Variants in GATAD2B observed in about 807,000 individuals in gnomAD.
The protein encoded by GATAD2B is transcriptional repressor p66-beta.
Under a neutral mutation model 64.3 loss-of-function variants are expected in GATAD2B, and 8 were observed. The observed-to-expected ratio is 0.12, with a 90% CI of 0.07 to 0.22. The LOEUF is 0.22. GATAD2B is among the 10% of genes least tolerant of loss of function. The pLI is 1.00. For synonymous variants in GATAD2B, 281 were observed against 271.3 expected (o/e 1.04, Z -0.35); for missense variants, 453 against 752.0 (o/e 0.60, Z 4.65).
intron 1 of GATAD2B, among the ~76,000 whole-genome samples, chr1:153,900,965 G>A (rs889800272): frequency 2.0e-5 from 3 of 152,044 alleles, no homozygotes; most frequent in African/African-American, 7.2e-5. Context: ...TGTAATCCCA[G>A]AACTTTGGGA....
At chr1:153,825,576 A>G (rs1674845226) in intron 2 of GATAD2B, among the ~76,000 whole-genome samples, 1 of 152,086 alleles carries the variant, frequency 6.6e-6, no homozygotes, top group Admixed American at 6.6e-5. Context: ...GGTGTGTGCC[A>G]CCACACCTGG....
chr1:153,868,208 AAAAT>A (rs1322730097), intron 1 of GATAD2B, among the ~76,000 whole-genome samples: 3 of 152,188 alleles, frequency 2.0e-5, no homozygotes, highest in East Asian at 1.9e-4. Context: ...ATCTCAAAAA[AAAAT>A]AAATAAATAA....
At chr1:153,874,378 CT>C (rs1676762075) in intron 1 of GATAD2B, among the ~76,000 whole-genome samples, 1 of 152,176 alleles carries the variant, frequency 6.6e-6, no homozygotes, top group South Asian at 2.1e-4. Context: ...TGAAGTGCCC[CT>C]AAGAGATTAA....
intron 1 of GATAD2B, among the ~76,000 whole-genome samples, chr1:153,904,033 C>A (rs762725800): frequency 2.6e-5 from 4 of 152,118 alleles, no homozygotes; most frequent in Non-Finnish European, 4.4e-5. Context: ...GTAATCCCAG[C>A]ACTTCGGGAA....
At chr1:153,910,458 G>C (rs945101639) in intron 1 of GATAD2B, among the ~76,000 whole-genome samples, 2 of 152,076 alleles carry the variant, frequency 1.3e-5, no homozygotes, top group African/African-American at 4.8e-5. Context: ...ATAGGCTTTG[G>C]GCTGGGCGCA....
intron 7 of GATAD2B, among the ~76,000 whole-genome samples, chr1:153,814,345 T>TA (rs1319208407): frequency 4.6e-5 from 7 of 152,374 alleles, no homozygotes; most frequent in African/African-American, 1.7e-4. Flanking sequence ...ATAGTATGGT[T>TA]TAGTATTGGT....
At chr1:153,839,108 C>CAAAAAAAAAAAAAAAAAAAAAAAAAA (rs35262137) in intron 1 of GATAD2B, among the ~76,000 whole-genome samples, 5 of 78,564 alleles carry the variant, frequency 6.4e-5, no homozygotes, top group African/African-American at 1.8e-4. Flanking sequence ...GACCCTGTCT[C>CAAAAAAAAAAAAAAAAAAAAAAAAAA]AAAAAAAAAA....
chr1:153,845,072 T>C (rs906012345), intron 1 of GATAD2B, among the ~76,000 whole-genome samples: 1 of 152,128 alleles, frequency 6.6e-6, no homozygotes, highest in African/African-American at 2.4e-5. Flanking sequence ...ATTCCATATT[T>C]TCAAAAAGTT....
Position 153,827,302 on chromosome 1 carries a change from C to A in GATAD2B, c.335+711G>T, listed in dbSNP as rs567001541. Among the ~76,000 whole-genome samples, 77 of 147,454 alleles carry A rather than the reference C, an allele frequency of 5.2e-4. 1 individual carries two copies. In the South Asian group the frequency reaches 0.014, roughly 27 times the overall value. ...ATAAAAAACAAAAAGAAAAAAAAAA[C>A]CCCAACTAGGGTTATCTATACTATG... On this transcript the variant is annotated intron_variant, in intron 2 of 10. Coordinates refer to ENST00000368655, the MANE Select transcript of GATAD2B (RefSeq NM_020699.4).
rs71093296 is a variant in GATAD2B at position 153,876,227 on chromosome 1, C to CAAAAAAAAAAAAAAAAAAAAAAA, written c.-2+46483_-2+46505dup. Among the ~76,000 whole-genome samples the CAAAAAAAAAAAAAAAAAAAAAAA allele has an allele frequency of 2.3e-4, 11 of 48,430 alleles. 1 individual carries two copies. Among genetic ancestry groups the CAAAAAAAAAAAAAAAAAAAAAAA allele is most frequent in the Non-Finnish European group, 3.5e-4 (10 of 28,612 alleles). The allele number at this position is 48,430 out of a possible 152,430, so 31.8% of individuals were successfully genotyped here. On this transcript the variant is annotated intron_variant, in intron 1 of 10. Coordinates refer to ENST00000368655, the MANE Select transcript of GATAD2B (RefSeq NM_020699.4). ...TGGGCAACACAGTGAGACTTCGTCT[C>CAAAAAAAAAAAAAAAAAAAAAAA]AAAAAAAAAAAAAAAAAAAAAAAAA... is the stretch of plus-strand genomic sequence containing the variant.
intron 1 of GATAD2B, among the ~76,000 whole-genome samples, chr1:153,911,628 C>T (rs907508916): frequency 1.3e-5 from 2 of 151,932 alleles, no homozygotes. Flanking sequence ...CCCAGCTACT[C>T]GGGAGGCTGA....
chr1:153,817,210 C>T (rs186741435), intron 6 of GATAD2B, among the ~76,000 whole-genome samples, 162 bp downstream of exon 6: 1 of 152,206 alleles, frequency 6.6e-6, no homozygotes, highest in Non-Finnish European at 1.5e-5. Context: ...TTCCTCAAAG[C>T]TTCTACTTTT....
intron 1 of GATAD2B, among the ~76,000 whole-genome samples, chr1:153,849,605 T>C (rs2101909035): frequency 6.6e-6 from 1 of 152,296 alleles, no homozygotes; most frequent in Middle Eastern, 3.4e-3. Context: ...CTATCAGCAT[T>C]ACCTTCCAAA....
intron 10 of GATAD2B, chr1:153,811,448 C>A (rs983530686): frequency 2.2e-6 from 1 of 452,728 alleles, no homozygotes; most frequent in East Asian, 4.6e-5. Flanking sequence ...CCTGCTGTCC[C>A]GGCCAAAAGA....
At chr1:153,856,649 C>G (rs1420287376) in intron 1 of GATAD2B, among the ~76,000 whole-genome samples, 3 of 152,108 alleles carry the variant, frequency 2.0e-5, no homozygotes, top group African/African-American at 7.2e-5. Context: ...GTAGCACACA[C>G]CTGTAATCCC....
At chr1:153,886,261 A>G (rs963810864) in intron 1 of GATAD2B, among the ~76,000 whole-genome samples, 30 of 152,214 alleles carry the variant, frequency 2.0e-4, no homozygotes, top group Non-Finnish European at 3.8e-4. Context: ...TGAACATTGT[A>G]AAGTGTATTT....
At chr1:153,917,157 G>GGT (rs1170182148) in intron 1 of GATAD2B, among the ~76,000 whole-genome samples, 41 of 148,072 alleles carry the variant, frequency 2.8e-4, no homozygotes, top group South Asian at 8.5e-4. Context: ...GGAGTGCAAT[G>GGT]GCACGATCTC....
chr1:153,818,522 G>C (rs1255917810), intron 4 of GATAD2B, among the ~76,000 whole-genome samples: 1 of 151,850 alleles, frequency 6.6e-6, no homozygotes, highest in Non-Finnish European at 1.5e-5. Flanking sequence ...CACCATGTTA[G>C]CCAGGATGCT....
At chr1:153,915,941 G>C (rs759158321) in intron 1 of GATAD2B, among the ~76,000 whole-genome samples, 6 of 152,122 alleles carry the variant, frequency 3.9e-5, no homozygotes, top group Non-Finnish European at 8.8e-5. Flanking sequence ...AGAATAATCA[G>C]TAAGTGTTAG....
Sources: gnomAD v4.1 joint callset for allele counts (sites outside exome capture counted in the v4.1 genomes callset) on GRCh38, gnomAD v4.1.1 for gene constraint, MANE v1.5 for transcripts, NCBI Gene and HGNC (gene_info 2026-07-23, HGNC 2026-07-21) for gene names.